Variants in BICRAL observed in about 807,000 individuals in gnomAD.
The protein encoded by BICRAL is BICRA like chromatin remodeling complex associated protein, also known as BRD4-interacting chromatin-remodeling complex-associated protein-like.
BICRAL carries 8 observed loss-of-function variants against 91.8 expected under a neutral mutation model. The observed-to-expected ratio is 0.09, with a 90% CI of 0.05 to 0.16. The LOEUF is 0.16. BICRAL is among the 10% of genes least tolerant of loss of function. The pLI is 1.00. For synonymous variants in BICRAL, 445 were observed against 491.1 expected, an observed-to-expected ratio of 0.91 and a Z score of 1.24; for missense variants, 1,038 against 1,310.9, an observed-to-expected ratio of 0.79 and a Z score of 3.21.
chr6:42,749,872 T>TG (rs1038676506), intron 1 of BICRAL, among the ~76,000 whole-genome samples: 36 of 151,478 alleles, frequency 2.4e-4, no homozygotes, highest in Non-Finnish European at 4.9e-4. Flanking sequence ...TTTTTTTTTT[T>TG]GAGATAGAGT....
At chr6:42,831,691 A>T (rs1218510621) in intron 6 of BICRAL, among the ~76,000 whole-genome samples, 1 of 150,582 alleles carries the variant, frequency 6.6e-6, no homozygotes, top group Non-Finnish European at 1.5e-5. Flanking sequence ...CTCCTCCTCC[A>T]CATTCAGAAG....
At chr6:42,792,411 G>A (rs1483319880) in intron 1 of BICRAL, among the ~76,000 whole-genome samples, 1 of 150,516 alleles carries the variant, frequency 6.6e-6, no homozygotes, top group Non-Finnish European at 1.5e-5. Flanking sequence ...GGGATTACAT[G>A]CATGTACCAC....
chr6:42,832,697 C>A (rs1433184429), intron 6 of BICRAL, among the ~76,000 whole-genome samples: 3 of 151,180 alleles, frequency 2.0e-5, no homozygotes, highest in Non-Finnish European at 4.4e-5. Context: ...TTCCCGAAAT[C>A]TTTTCTCTCC....
intron 1 of BICRAL, among the ~76,000 whole-genome samples, chr6:42,763,473 T>C (rs1762585244): frequency 6.6e-6 from 1 of 152,228 alleles, no homozygotes; most frequent in Non-Finnish European, 1.5e-5. Flanking sequence ...TTATCTTCTT[T>C]AGGTAGGATT....
chr6:42,850,856 A>G (rs1341644722), intron 6 of BICRAL, among the ~76,000 whole-genome samples: 1 of 148,290 alleles, frequency 6.7e-6, no homozygotes. Context: ...TGACGGAGTG[A>G]GATTCCATCT....
intron 5 of BICRAL, among the ~76,000 whole-genome samples, chr6:42,827,257 C>T (rs1764332952): frequency 6.6e-6 from 1 of 152,148 alleles, no homozygotes; most frequent in East Asian, 1.9e-4. Flanking sequence ...TTCAGAAAGT[C>T]CTTGGGATGG....
At chr6:42,767,039 CAA>C (rs575028938) in intron 1 of BICRAL, among the ~76,000 whole-genome samples, 33 of 91,130 alleles carry the variant, frequency 3.6e-4, no homozygotes, top group Admixed American at 3.7e-4. Flanking sequence ...GACTCCATCT[CAA>C]AAAAAAAAAA....
intron 1 of BICRAL, among the ~76,000 whole-genome samples, chr6:42,799,132 CCTGAG>C (rs1160623091): frequency 1.3e-5 from 2 of 152,094 alleles, no homozygotes; most frequent in African/African-American, 4.8e-5. Flanking sequence ...GACTTGAACT[CCTGAG>C]CTCAAATGAA....
At chr6:42,788,540 G>C (rs1030192795) in intron 1 of BICRAL, among the ~76,000 whole-genome samples, 1 of 152,126 alleles carries the variant, frequency 6.6e-6, no homozygotes, top group African/African-American at 2.4e-5. Flanking sequence ...CATTCTTAAG[G>C]AATTCAAGAC....
chr6:42,802,405 T>A, intron 1 of BICRAL, among the ~76,000 whole-genome samples: 1 of 139,960 alleles, frequency 7.1e-6, no homozygotes, highest in East Asian at 2.1e-4. Flanking sequence ...TACTTTTGGC[T>A]CTTTCAGCTT....
intron 2 of BICRAL, among the ~76,000 whole-genome samples, chr6:42,816,642 T>C (rs970827533): frequency 2.0e-5 from 3 of 152,226 alleles, no homozygotes; most frequent in East Asian, 3.9e-4. Flanking sequence ...TTCTCCTTGT[T>C]TTATTAATTG....
intron 10 of BICRAL, among the ~76,000 whole-genome samples, chr6:42,858,574 T>G (rs1011325987): frequency 2.7e-5 from 4 of 149,594 alleles, no homozygotes; most frequent in Non-Finnish European, 5.9e-5. Context: ...TCCCAGCACT[T>G]TGGGAAGCTG....
At chr6:42,842,470 G>C (rs1417031252) in intron 6 of BICRAL, among the ~76,000 whole-genome samples, 2 of 152,134 alleles carry the variant, frequency 1.3e-5, no homozygotes, top group African/African-American at 2.4e-5. Flanking sequence ...TGGCAGTCAG[G>C]GTTCTCTAGT....
At chr6:42,747,814 T>A (rs1268574922) in intron 1 of BICRAL, among the ~76,000 whole-genome samples, 1 of 149,618 alleles carries the variant, frequency 6.7e-6, no homozygotes, top group African/African-American at 2.4e-5. Flanking sequence ...TGTTTTTTTT[T>A]TTTTTTTTTG....
Position 42,864,857 on chromosome 6 carries a change from A to T in BICRAL, c.2651A>T (p.His884Leu). The change falls in exon 13 of 13, where the codon CAC (histidine) becomes CTC (leucine). Residue 884 changes from histidine to leucine, a missense_variant. This residue lies in a region of BICRAL where 294 missense variants were observed against 292.6 expected (regional missense o/e 1.00). Coordinates refer to ENST00000314073, the MANE Select transcript of BICRAL (RefSeq NM_001393499.1). ...GACCAGTTTCATCTAGTGCCTAATCACATCGTGGTCTCTGCAGAAGGAAAC... is the reference window on the plus strand; with the variant it reads ...GACCAGTTTCATCTAGTGCCTAATCTCATCGTGGTCTCTGCAGAAGGAAAC... Reference protein sequence around the residue: ...NHDQFHLVPNHIVVSAEGNIS... With the variant: ...NHDQFHLVPNLIVVSAEGNIS... 2.5e-6 allele frequency: 4 copies of T among 1,614,148 alleles called. No homozygotes were observed. The highest frequency in any genetic ancestry group is 3.4e-6 in the Non-Finnish European group (4 of 1,180,024).
chr6:42,799,869 A>ATATTTATT (rs201720820), intron 1 of BICRAL, among the ~76,000 whole-genome samples: 11 of 151,268 alleles, frequency 7.3e-5, no homozygotes, highest in Non-Finnish European at 5.9e-5. Flanking sequence ...TCTTTCTTAA[A>ATATTTATT]TATTTATTTA....
In BICRAL at chr6:42,862,569, A is replaced by G. The variant is rs756809038; in HGVS notation, c.2409A>G (p.Arg803=). The change falls in exon 12 of 13, where the codon AGA becomes AGG. Residue 803 remains arginine, a synonymous_variant. Transcript: ENST00000314073. The part of the protein sequence containing the change: ...MIDRMFNQEE[R]ASLSRDKRLA... ...ATAGGATGTTCAACCAGGAGGAAAGAGCTTCCCTGTCCCGAGACAAGCGTT... is the reference window on the plus strand; with the variant it reads ...ATAGGATGTTCAACCAGGAGGAAAGGGCTTCCCTGTCCCGAGACAAGCGTT... 3 of 1,612,142 alleles carry G rather than the reference A, an allele frequency of 1.9e-6. No individual in the cohort carries two copies. Among genetic ancestry groups the G allele is most frequent in the Non-Finnish European group, 2.5e-6 (3 of 1,178,296 alleles).
chr6:42,769,245 G>A (rs1319913838), intron 1 of BICRAL, among the ~76,000 whole-genome samples: 1 of 152,198 alleles, frequency 6.6e-6, no homozygotes. Flanking sequence ...GAGGCGGTCT[G>A]GCTACCAGCA....
intron 1 of BICRAL, among the ~76,000 whole-genome samples, chr6:42,790,812 G>A (rs1020368612): frequency 1.3e-5 from 2 of 152,048 alleles, no homozygotes; most frequent in Non-Finnish European, 2.9e-5. Context: ...GCTCTTGCTT[G>A]ATGAATAATG....
Sources: allele counts gnomAD v4.1 joint callset (sites outside exome capture counted in the v4.1 genomes callset), GRCh38; gene constraint gnomAD v4.1.1; regional missense constraint gnomAD v4.1.1; transcripts MANE v1.5; gene names NCBI Gene and HGNC (gene_info 2026-07-23, HGNC 2026-07-21).